Variants in HS2ST1 observed in about 807,000 individuals in gnomAD.
HS2ST1 encodes the protein 2-O-sulfotransferase.
HS2ST1 carries 18 observed loss-of-function variants against 42.9 expected under a neutral mutation model. The observed-to-expected ratio is 0.42, with a 90% CI of 0.29 to 0.62. HS2ST1 has a LOEUF of 0.62. HS2ST1 is among the 20% of genes least tolerant of loss of function. The pLI, the probability that HS2ST1 is intolerant of heterozygous loss-of-function variation, is 0.21. For synonymous variants in HS2ST1, 146 were observed against 152.9 expected (o/e 0.95, Z 0.33); for missense variants, 334 against 433.8 (o/e 0.77, Z 2.04).
intron 1 of HS2ST1, among the ~76,000 whole-genome samples, chr1:86,986,836 A>G (rs183992616): frequency 7.9e-5 from 12 of 152,318 alleles, no homozygotes; most frequent in Non-Finnish European, 1.3e-4. Context: ...TCTCATCCCC[A>G]GAACAGTAAC....
chr1:87,079,419 T>C (rs1359234828), intron 2 of HS2ST1, among the ~76,000 whole-genome samples: 1 of 152,218 alleles, frequency 6.6e-6, no homozygotes, highest in Non-Finnish European at 1.5e-5. Context: ...ATTATAGGCG[T>C]GAGCCACTGC....
intron 1 of HS2ST1, among the ~76,000 whole-genome samples, chr1:86,952,411 T>G (rs1298743209): frequency 6.6e-6 from 1 of 152,088 alleles, no homozygotes; most frequent in Admixed American, 6.5e-5. Context: ...CAAATTTTTA[T>G]GTTTTTAGTA....
chr1:86,917,198 C>T (rs1179648808), intron 1 of HS2ST1, among the ~76,000 whole-genome samples: 1 of 152,122 alleles, frequency 6.6e-6, no homozygotes, highest in Non-Finnish European at 1.5e-5. Flanking sequence ...ATCGTAGATA[C>T]TCGTGTTTAA....
intron 1 of HS2ST1, among the ~76,000 whole-genome samples, chr1:86,948,871 C>T (rs1647418460): frequency 6.6e-6 from 1 of 152,130 alleles, no homozygotes; most frequent in African/African-American, 2.4e-5. Flanking sequence ...TAATTAATTA[C>T]AAGGGTGATT....
intron 1 of HS2ST1, among the ~76,000 whole-genome samples, chr1:87,047,689 A>G (rs1204307493): frequency 3.9e-5 from 6 of 152,140 alleles, no homozygotes; most frequent in Non-Finnish European, 8.8e-5. Context: ...TCATTGAACT[A>G]TCCTACCAAG....
At chr1:86,938,345 T>C (rs1277345841) in intron 1 of HS2ST1, among the ~76,000 whole-genome samples, 2 of 152,168 alleles carry the variant, frequency 1.3e-5, no homozygotes, top group Non-Finnish European at 2.9e-5. Context: ...CTAGACTTGA[T>C]TAAAGTACTG....
chr1:87,014,562 A>G (rs1175205397), intron 1 of HS2ST1, among the ~76,000 whole-genome samples: 1 of 152,226 alleles, frequency 6.6e-6, no homozygotes, highest in African/African-American at 2.4e-5. Context: ...AAAAGTTGTC[A>G]AAGTCAAAAT....
chr1:86,949,883 T>A (rs892751711), intron 1 of HS2ST1, among the ~76,000 whole-genome samples: 5 of 152,254 alleles, frequency 3.3e-5, no homozygotes, highest in African/African-American at 1.2e-4. Context: ...GTTGTGCTTT[T>A]CAGGAGATGC....
At chr1:87,010,433 A>G (rs1649565825) in intron 1 of HS2ST1, among the ~76,000 whole-genome samples, 1 of 152,208 alleles carries the variant, frequency 6.6e-6, no homozygotes, top group African/African-American at 2.4e-5. Context: ...AAAACGTATT[A>G]TGTCATTTAT....
chr1:87,003,177 A>G (rs1321964856), intron 1 of HS2ST1, among the ~76,000 whole-genome samples: 1 of 151,942 alleles, frequency 6.6e-6, no homozygotes, highest in Admixed American at 6.6e-5. Context: ...TTTTGAAGAA[A>G]CCCTTGACTG....
chr1:86,918,940 CTA>C (rs1222296578), intron 1 of HS2ST1, among the ~76,000 whole-genome samples: 1 of 148,490 alleles, frequency 6.7e-6, no homozygotes, highest in African/African-American at 2.5e-5. Flanking sequence ...TTTATCTATC[CTA>C]TGTCTTTTTT....
At chr1:87,020,959 G>A (rs942865902) in intron 1 of HS2ST1, among the ~76,000 whole-genome samples, 2 of 152,156 alleles carry the variant, frequency 1.3e-5, no homozygotes, top group African/African-American at 4.8e-5. Context: ...AGGTACATCA[G>A]TTTTCTTCTC....
chr1:86,925,253 T>C (rs1213246823), intron 1 of HS2ST1, among the ~76,000 whole-genome samples: 1 of 152,186 alleles, frequency 6.6e-6, no homozygotes, highest in Non-Finnish European at 1.5e-5. Flanking sequence ...CTATCAGCAA[T>C]TCAGCAAGTC....
intron 1 of HS2ST1, among the ~76,000 whole-genome samples, chr1:86,916,184 A>C (rs1252622271): frequency 6.6e-6 from 1 of 152,216 alleles, no homozygotes; most frequent in Non-Finnish European, 1.5e-5. Flanking sequence ...TGACAGTGAT[A>C]AATTTTGATT....
intron 1 of HS2ST1, among the ~76,000 whole-genome samples, chr1:87,008,214 T>C (rs1171259967): frequency 1.3e-5 from 2 of 152,174 alleles, no homozygotes; most frequent in Non-Finnish European, 2.9e-5. Flanking sequence ...TACCTGAAAT[T>C]ATATTGAGAT....
chr1:87,005,826 G>A (rs1649423841), intron 1 of HS2ST1, among the ~76,000 whole-genome samples: 1 of 152,030 alleles, frequency 6.6e-6, no homozygotes, highest in Non-Finnish European at 1.5e-5. Flanking sequence ...TAACTTTTTA[G>A]AATTTTTTTA....
rs1291111391 is a variant in HS2ST1 at position 86,985,841 on chromosome 1, A to G, written c.124+70681A>G. 2.6e-5 allele frequency among the ~76,000 whole-genome samples: 4 copies of G among 152,086 alleles called. No homozygotes were observed. In the East Asian group the frequency reaches 7.7e-4, roughly 29 times the overall value. ...ACTGTACCTTAATTCATGGTACTTA[A>G]AATTTTAATCTACAGCAACCAGCCA... On this transcript the variant is annotated intron_variant, in intron 1 of 6. Coordinates refer to ENST00000370550, the MANE Select transcript of HS2ST1 (RefSeq NM_012262.4).
chr1:87,103,192 G>A (rs1283379656), intron 5 of HS2ST1, among the ~76,000 whole-genome samples: 1 of 152,170 alleles, frequency 6.6e-6, no homozygotes, highest in Non-Finnish European at 1.5e-5. Flanking sequence ...AAACTAAATT[G>A]CTCATGTTAA....
intron 1 of HS2ST1, among the ~76,000 whole-genome samples, chr1:86,966,995 G>A (rs1041843357): frequency 2.0e-5 from 3 of 151,748 alleles, no homozygotes; most frequent in Non-Finnish European, 2.9e-5. Context: ...AGGTTTAAGC[G>A]ATTCTCCTGC....
Sources: gnomAD v4.1 joint callset for allele counts (sites outside exome capture counted in the v4.1 genomes callset) on GRCh38, gnomAD v4.1.1 for gene constraint, MANE v1.5 for transcripts, NCBI Gene and HGNC (gene_info 2026-07-23, HGNC 2026-07-21) for gene names.